CDC42BPB: variants seen among roughly 807,000 people sequenced by gnomAD.
CDC42BPB encodes the protein serine/threonine-protein kinase MRCK beta.
A neutral mutation model predicts 214.9 loss-of-function variants in CDC42BPB; 37 were observed. The ratio of observed to expected loss-of-function variants is 0.17; its 90% CI spans 0.13 to 0.23. The LOEUF (loss-of-function observed/expected upper bound fraction) is 0.23, where lower values mean the gene tolerates loss of function less well. CDC42BPB is among the 10% of genes least tolerant of loss of function. The pLI is 1.00. For missense variants in CDC42BPB, 1,694 were observed against 2,227.0 expected (o/e 0.76, Z 4.82); for synonymous variants, 931 against 884.0 (o/e 1.05, Z -0.94).
intron 11 of CDC42BPB, among the ~76,000 whole-genome samples, chr14:102,974,912 C>T (rs528406213): frequency 6.6e-6 from 1 of 152,306 alleles, no homozygotes; most frequent in South Asian, 2.1e-4. Context: ...TGCCACTGCA[C>T]TCCAGCCTGG....
intron 5 of CDC42BPB, among the ~76,000 whole-genome samples, chr14:102,996,246 A>C (rs1595122558): frequency 6.6e-6 from 1 of 152,290 alleles, no homozygotes; most frequent in Non-Finnish European, 1.5e-5. Context: ...AGGCTGAGGC[A>C]GGAGAATGGC....
At position 102,943,952 on chromosome 14, in the gene CDC42BPB, G is replaced by A. The variant is rs753678351; in HGVS notation, c.4347C>T (p.Asp1449=). Residue 1449 remains aspartate (D), a synonymous_variant, in exon 30 of 37, where the codon GAC becomes GAT. Transcript: ENST00000361246. The surrounding 1 kb of genome is among the most constrained non-coding windows in gnomAD (Gnocchi z 4.6). The stretch of plus-strand genomic sequence containing the variant: ...GCGCGCGTGCCCTCCGGCCTTGCGG[G>A]TCCACGTACAGTCCCATGTGGCTGA... ...LCFSHMGLYV[D]PQGRRARAQE... 1 of 1,612,870 alleles carries A rather than the reference G, an allele frequency of 6.2e-7. No homozygotes were observed. Among genetic ancestry groups the A allele is most frequent in the African/African-American group, 1.3e-5 (1 of 75,058 alleles).
chr14:103,016,195 G>T (rs1270474663), intron 1 of CDC42BPB, among the ~76,000 whole-genome samples: 1 of 152,258 alleles, frequency 6.6e-6, no homozygotes, highest in Non-Finnish European at 1.5e-5. Context: ...GCTCTCTGAG[G>T]TGACTGTGGC....
chr14:103,055,754 A>G (rs1266683536), intron 1 of CDC42BPB, among the ~76,000 whole-genome samples: 3 of 152,200 alleles, frequency 2.0e-5, no homozygotes, highest in Non-Finnish European at 4.4e-5. Flanking sequence ...TGTAAACAAA[A>G]TTCCAAATTC....
At chr14:102,953,986 T>C (rs1892604969) in intron 23 of CDC42BPB, among the ~76,000 whole-genome samples, 1 of 152,210 alleles carries the variant, frequency 6.6e-6, no homozygotes, top group Non-Finnish European at 1.5e-5. Context: ...TGTGTAGCAC[T>C]GGTATCATTA....
intron 11 of CDC42BPB, among the ~76,000 whole-genome samples, chr14:102,975,156 A>G (rs1383740489): frequency 6.6e-6 from 1 of 152,224 alleles, no homozygotes; most frequent in African/African-American, 2.4e-5. Flanking sequence ...GAAGCAGAAA[A>G]TAGCCAGAGA....
chr14:102,945,876 G>C, intron 28 of CDC42BPB, 152 bp from the exon 29 acceptor site: 3 of 668,766 alleles, frequency 4.5e-6, no homozygotes, highest in Non-Finnish European at 8.0e-6. Context: ...CAGTATCGGG[G>C]GTGACTTTCT....
In CDC42BPB at chr14:102,933,897, A is replaced by G. The variant is rs1891511139; in HGVS notation, c.5005-54T>C. On this transcript the variant is annotated intron_variant, in intron 36 of 36. Coordinates refer to ENST00000361246, the MANE Select transcript of CDC42BPB (RefSeq NM_006035.4). ...ACCCGCTGCCCTAGCCTGGGGAGGC[A>G]CGCGTGCCCAGCTGGATGCAAATGT... The G allele has an allele frequency of 1.0e-5, 15 of 1,464,170 alleles. No individual in the cohort carries two copies. The South Asian group carries it at 2.2e-4, about 21-fold the overall frequency. 90.7% of individuals were successfully genotyped at this position (1,464,170 alleles called of 1,614,324 possible). A position where few individuals can be genotyped will look rare whatever the true frequency, so the allele number is the denominator to read the frequency against.
intron 1 of CDC42BPB, among the ~76,000 whole-genome samples, chr14:103,021,746 C>T (rs1037058210): frequency 6.6e-6 from 1 of 151,014 alleles, no homozygotes; most frequent in Non-Finnish European, 1.5e-5. Flanking sequence ...CAGATTGAGT[C>T]TGAGAAAACC....
rs533538105 is a variant in CDC42BPB at position 102,937,992 on chromosome 14, G to A, written c.5004+112C>T. 448 of 1,122,400 alleles carry A rather than the reference G, an allele frequency of 4.0e-4. No homozygotes were observed. The African/African-American group carries it at 5.2e-3, about 13-fold the overall frequency. 69.5% of individuals were successfully genotyped at this position (1,122,400 alleles called of 1,614,324 possible). A position where few individuals can be genotyped will look rare whatever the true frequency, so the allele number is the denominator to read the frequency against. Reference sequence around the variant, plus strand: ...TGCCCCCGTCACCCTCACACCGCAAGTGGGGTGCTCCAAAAGGGCTGTGAC... The same window carrying A: ...TGCCCCCGTCACCCTCACACCGCAAATGGGGTGCTCCAAAAGGGCTGTGAC... On this transcript the variant is annotated intron_variant, in intron 36 of 36. Coordinates refer to ENST00000361246, the MANE Select transcript of CDC42BPB (RefSeq NM_006035.4).
At chr14:103,011,123 C>T (rs1048458080) in intron 2 of CDC42BPB, among the ~76,000 whole-genome samples, 2 of 152,266 alleles carry the variant, frequency 1.3e-5, no homozygotes, top group African/African-American at 4.8e-5. Context: ...CCTGACCTCT[C>T]CCTTGGTCTT....
At chr14:102,941,503 G>A (rs1204440214) in intron 30 of CDC42BPB, 1 of 985,346 alleles carries the variant, frequency 1.0e-6, no homozygotes, top group Non-Finnish European at 1.2e-6. Context: ...CACCTGTGAG[G>A]CCTCTGAGAA....
At chr14:102,999,392 G>A (rs369260723) in intron 5 of CDC42BPB, among the ~76,000 whole-genome samples, 173 bp downstream of exon 5, 9 of 152,284 alleles carry the variant, frequency 5.9e-5, no homozygotes, top group East Asian at 3.9e-4. Flanking sequence ...GGGATCCACC[G>A]GCTGCTGGGG....
Position 103,002,619 on chromosome 14 carries a change from GT to G in CDC42BPB, c.447+1308del, listed in dbSNP as rs528934551. Among the ~76,000 whole-genome samples the G allele has an allele frequency of 1.4e-3, 218 of 152,238 alleles. 1 individual carries two copies. Among genetic ancestry groups the G allele is most frequent in the African/African-American group, 5.0e-3 (208 of 41,540 alleles). ...GGGACACTGAGCAGGAAGCGGGGGG[GT>G]TTATGTGGAGGTGGCCCCAGAGCAG... is the stretch of plus-strand genomic sequence containing the variant. On this transcript the variant is annotated intron_variant, in intron 4 of 36. Transcript: ENST00000361246.
chr14:102,964,369 C>A, intron 19 of CDC42BPB, 133 bp downstream of exon 19: 2 of 1,038,808 alleles, frequency 1.9e-6, no homozygotes, highest in Non-Finnish European at 1.4e-6. Flanking sequence ...CGACGTGCTG[C>A]CTCCTAAGGC....
At chr14:103,034,792 T>TG (rs1313678617) in intron 1 of CDC42BPB, among the ~76,000 whole-genome samples, 1 of 136,594 alleles carries the variant, frequency 7.3e-6, no homozygotes, top group Non-Finnish European at 1.5e-5. Context: ...CGCTCCAGCC[T>TG]GGGCGACAGA....
Position 103,011,953 on chromosome 14 carries a change from AAG to A in CDC42BPB, c.267+142_267+143del, listed in dbSNP as rs1886183158. The A allele has an allele frequency of 3.0e-6, 2 of 668,512 alleles. 1 individual carries two copies. Among genetic ancestry groups the A allele is most frequent in the South Asian group, 3.3e-5 (2 of 61,322 alleles). The allele number at this position is 668,512 out of a possible 1,614,324, so 41.4% of individuals were successfully genotyped here. On this transcript the variant is annotated intron_variant, in intron 2 of 36. Coordinates refer to ENST00000361246, the MANE Select transcript of CDC42BPB (RefSeq NM_006035.4). ...CAACATGGTGAGACCTCATCTTAGA[AAG>A]AGAGAGAGGAAAAAACAAACTCTCC...
chr14:102,995,365 A>G (rs13379309), intron 5 of CDC42BPB, among the ~76,000 whole-genome samples: 17,689 of 152,136 alleles, frequency 0.12, 1,906 homozygotes, highest in African/African-American at 0.29. Context: ...TAGTAGAGAC[A>G]GGTTTTACCA....
chr14:102,941,589 T>C (rs1230312560), intron 30 of CDC42BPB: 1 of 983,094 alleles, frequency 1.0e-6, no homozygotes, highest in South Asian at 4.7e-5. Context: ...GGCCCTTGCC[T>C]GCCGAGTATG....
Sources: allele counts gnomAD v4.1 joint callset (sites outside exome capture counted in the v4.1 genomes callset), GRCh38; gene constraint gnomAD v4.1.1; non-coding constraint Gnocchi (gnomAD v3.1); transcripts MANE v1.5; gene names NCBI Gene and HGNC (gene_info 2026-07-23, HGNC 2026-07-21).